The following PPP3CA variants were observed in gnomAD, a reference collection of about 807,000 sequenced individuals.
PPP3CA encodes the protein protein phosphatase 3 catalytic subunit alpha, also known as CAM-PRP catalytic subunit.
Under a neutral mutation model 66.5 loss-of-function variants are expected in PPP3CA, and 14 were observed. The ratio of observed to expected loss-of-function variants is 0.21; its 90% CI spans 0.14 to 0.33. The LOEUF is 0.33. Ranked by LOEUF, PPP3CA falls within the 10% of genes least tolerant of loss-of-function variation. The probability of loss-of-function intolerance (pLI) is 1.00; values close to 1 mark genes in which losing one functional copy is unlikely to be tolerated. For missense variants in PPP3CA, 317 were observed against 639.5 expected (o/e 0.50, Z 5.44); for synonymous variants, 232 against 226.2 (o/e 1.03, Z -0.23).
intron 1 of PPP3CA, among the ~76,000 whole-genome samples, chr4:101,277,143 A>G (rs1179431003): frequency 6.6e-6 from 1 of 152,174 alleles, no homozygotes; most frequent in Non-Finnish European, 1.5e-5. Context: ...ATAATATCAC[A>G]TAGATGGAAT....
At chr4:101,228,546 T>C (rs1316001533) in intron 1 of PPP3CA, among the ~76,000 whole-genome samples, 1 of 151,648 alleles carries the variant, frequency 6.6e-6, no homozygotes, top group Admixed American at 6.6e-5. Flanking sequence ...TTTGGGACTC[T>C]CATTCAGTTC....
intron 2 of PPP3CA, among the ~76,000 whole-genome samples, chr4:101,128,088 T>C (rs1722303945): frequency 6.6e-6 from 1 of 152,176 alleles, no homozygotes; most frequent in African/African-American, 2.4e-5. Flanking sequence ...CACATAGAGA[T>C]ATCTAGGCCA....
intron 1 of PPP3CA, among the ~76,000 whole-genome samples, chr4:101,306,739 G>A (rs1422419900): frequency 6.6e-6 from 1 of 151,970 alleles, no homozygotes; most frequent in Admixed American, 6.6e-5. Context: ...TTGATATATC[G>A]AGCATTACAG....
At chr4:101,178,300 A>G (rs1194067786) in intron 2 of PPP3CA, among the ~76,000 whole-genome samples, 1 of 152,122 alleles carries the variant, frequency 6.6e-6, no homozygotes, top group East Asian at 1.9e-4. Context: ...TCCATGTTTC[A>G]GTTTTACTTT....
intron 2 of PPP3CA, among the ~76,000 whole-genome samples, chr4:101,135,809 T>C (rs893959367): frequency 1.3e-4 from 20 of 152,182 alleles, no homozygotes; most frequent in African/African-American, 4.8e-4. Context: ...TTTTATCCTA[T>C]TCCTGTTTTT....
intron 2 of PPP3CA, among the ~76,000 whole-genome samples, chr4:101,142,948 T>C (rs902511553): frequency 2.0e-5 from 3 of 152,216 alleles, no homozygotes; most frequent in Non-Finnish European, 2.9e-5. Context: ...TCTTTGGCTA[T>C]ATACCTTAAT....
At chr4:101,195,661 G>C (rs1724766505) in intron 2 of PPP3CA, among the ~76,000 whole-genome samples, 1 of 152,086 alleles carries the variant, frequency 6.6e-6, no homozygotes, top group Non-Finnish European at 1.5e-5. Flanking sequence ...ACTTCTTAAA[G>C]TATCACTTCA....
intron 1 of PPP3CA, among the ~76,000 whole-genome samples, chr4:101,229,628 A>G (rs1725895910): frequency 6.6e-6 from 1 of 151,632 alleles, no homozygotes; most frequent in Non-Finnish European, 1.5e-5. Context: ...GGTGAAAAAA[A>G]AAATGAATCA....
intron 1 of PPP3CA, among the ~76,000 whole-genome samples, chr4:101,199,153 A>C (rs1303278624): frequency 6.6e-6 from 1 of 152,208 alleles, no homozygotes; most frequent in Non-Finnish European, 1.5e-5. Flanking sequence ...CAGCCTTACA[A>C]AGGTCACATT....
chr4:101,124,693 G>GAA (rs1239898391), intron 2 of PPP3CA, among the ~76,000 whole-genome samples: 2 of 88,302 alleles, frequency 2.3e-5, no homozygotes, highest in African/African-American at 9.9e-5. Context: ...AAGAAAGAAA[G>GAA]AAAGAAAGAA....
At chr4:101,086,264 G>C (rs556883890) in intron 6 of PPP3CA, among the ~76,000 whole-genome samples, 1 of 152,228 alleles carries the variant, frequency 6.6e-6, no homozygotes, top group Admixed American at 6.5e-5. Flanking sequence ...ATGCAGATTG[G>C]TAGATAGGAA....
At chr4:101,285,599 ATGTG>A (rs56681112) in intron 1 of PPP3CA, among the ~76,000 whole-genome samples, 26,802 of 124,106 alleles carry the variant, frequency 0.22, 2,580 homozygotes, top group Admixed American at 0.31. Context: ...CACTGTGTGT[ATGTG>A]TGTGTGTGTG....
At chr4:101,172,060 C>T (rs1427611168) in intron 2 of PPP3CA, among the ~76,000 whole-genome samples, 1 of 152,056 alleles carries the variant, frequency 6.6e-6, no homozygotes, top group African/African-American at 2.4e-5. Flanking sequence ...AGTGCTCTAT[C>T]AAAGTACTGA....
chr4:101,285,135 G>A (rs1727797389), intron 1 of PPP3CA, among the ~76,000 whole-genome samples: 2 of 151,786 alleles, frequency 1.3e-5, no homozygotes, highest in South Asian at 4.2e-4. Flanking sequence ...ACACCTCAAT[G>A]CACTAAAATC....
In PPP3CA at chr4:101,025,844, A is replaced by AGTG; in HGVS notation, c.*20_*21insCAC. 1 of 1,428,038 alleles carries AGTG rather than the reference A, an allele frequency of 7.0e-7. No homozygotes were observed. The highest frequency in any genetic ancestry group is 1.5e-5 in the African/African-American group (1 of 68,730). 88.5% of individuals were successfully genotyped at this position (1,428,038 alleles called of 1,614,324 possible). ...TCAAAAAAAAAAAAAAAAAAAAAAA[A>AGTG]AAAAAGTGAACAGGAAGTGGTCACT... On this transcript the variant is annotated 3_prime_UTR_variant, in exon 14 of 14. Transcript: ENST00000394854.
At chr4:101,296,581 C>CT (rs1342046618) in intron 1 of PPP3CA, among the ~76,000 whole-genome samples, 3 of 152,078 alleles carry the variant, frequency 2.0e-5, no homozygotes, top group Admixed American at 6.5e-5. Context: ...TATGTCCATT[C>CT]TCTTTTTAAA....
At chr4:101,039,899 G>A (rs1727428927) in intron 11 of PPP3CA, among the ~76,000 whole-genome samples, 1 of 143,700 alleles carries the variant, frequency 7.0e-6, no homozygotes, top group Admixed American at 7.0e-5. Flanking sequence ...ATGTTACATT[G>A]TATTATTTAG....
At chr4:101,186,730 C>CT (rs1724422403) in intron 2 of PPP3CA, among the ~76,000 whole-genome samples, 1 of 152,108 alleles carries the variant, frequency 6.6e-6, no homozygotes, top group Admixed American at 6.6e-5. Flanking sequence ...TCTGCACACT[C>CT]TGTCACAGCA....
chr4:101,165,184 G>A (rs1364537044), intron 2 of PPP3CA, among the ~76,000 whole-genome samples: 1 of 152,108 alleles, frequency 6.6e-6, no homozygotes, highest in Non-Finnish European at 1.5e-5. Context: ...CATGTTGGAT[G>A]ACTCTTATAA....
Sources: gnomAD v4.1 joint callset for allele counts (sites outside exome capture counted in the v4.1 genomes callset) on GRCh38, gnomAD v4.1.1 for gene constraint, MANE v1.5 for transcripts, NCBI Gene and HGNC (gene_info 2026-07-23, HGNC 2026-07-21) for gene names.